Variants in RASSF3 observed in about 807,000 individuals in gnomAD.
RASSF3 encodes the protein ras association domain-containing protein 3.
RASSF3 carries 19 observed loss-of-function variants against 19.9 expected under a neutral mutation model. That is an observed-to-expected ratio of 0.96 (90% CI 0.67 to 1.40). RASSF3 has a LOEUF of 1.40. Among genes scored for constraint, RASSF3 ranks in the 40% most tolerant of loss-of-function variants. The pLI, the probability that RASSF3 is intolerant of heterozygous loss-of-function variation, is 0.00. For missense variants in RASSF3, 306 were observed against 289.8 expected (o/e 1.06, Z -0.41); for synonymous variants, 110 against 104.2 (o/e 1.06, Z -0.34).
At chr12:64,534,871 T>C (rs1868789338) in intron 1 of RASSF3, among the ~76,000 whole-genome samples, 1 of 152,234 alleles carries the variant, frequency 6.6e-6, no homozygotes, top group Admixed American at 6.5e-5. Flanking sequence ...ACTACCATTA[T>C]CTAGAGGCTC....
rs532238459 is a variant in RASSF3, at chr12:64,588,423, G to A, written c.294+46718G>A. Reference sequence around the variant, plus strand: ...TTTTCTGCTGGGCGTGGTGGCTCACGCCTGTAATCCCAGCATTTACAGAGG... The same window carrying A: ...TTTTCTGCTGGGCGTGGTGGCTCACACCTGTAATCCCAGCATTTACAGAGG... On this transcript the variant is annotated intron_variant, in intron 2 of 5. Transcript: ENST00000637125. Among the ~76,000 whole-genome samples the A allele has an allele frequency of 1.1e-3, 166 of 152,112 alleles. 2 individuals carry two copies. Among genetic ancestry groups the A allele is most frequent in the Admixed American group, 4.0e-3 (61 of 15,264 alleles).
intron 1 of RASSF3, among the ~76,000 whole-genome samples, chr12:64,520,593 T>TATATATATATAC (rs1868458561): frequency 7.1e-6 from 1 of 140,124 alleles, no homozygotes; most frequent in African/African-American, 2.7e-5. Context: ...TATATATATA[T>TATATATATATAC]ATGCACATAT....
intron 1 of RASSF3, among the ~76,000 whole-genome samples, chr12:64,628,716 T>A (rs1218314360): frequency 6.6e-6 from 1 of 152,070 alleles, no homozygotes; most frequent in East Asian, 1.9e-4. Context: ...ATGCTGGTCT[T>A]GAACTCGTGA....
intron 1 of RASSF3, among the ~76,000 whole-genome samples, chr12:64,660,226 T>C (rs551276332): frequency 3.1e-4 from 47 of 152,210 alleles, no homozygotes; most frequent in African/African-American, 1.1e-3. Flanking sequence ...CCTGAAATGC[T>C]AATAATTATT....
At chr12:64,629,154 G>C (rs1214148088) in intron 1 of RASSF3, among the ~76,000 whole-genome samples, 14 of 151,260 alleles carry the variant, frequency 9.3e-5, no homozygotes, top group Non-Finnish European at 1.3e-4. Context: ...CCAGGCTGGA[G>C]TACAGTGGCG....
chr12:64,636,116 T>TA (rs1485990237), intron 1 of RASSF3, among the ~76,000 whole-genome samples: 1 of 140,468 alleles, frequency 7.1e-6, no homozygotes, highest in African/African-American at 2.5e-5. Flanking sequence ...TATTATAACT[T>TA]ACGGTTTTTT....
rs145076957 is a variant in RASSF3 at position 64,631,665 on chromosome 12, G to A, written c.111+20922G>A. On this transcript the variant is annotated intron_variant, in intron 1 of 4. Coordinates refer to ENST00000542104, the MANE Select transcript of RASSF3 (RefSeq NM_178169.4). Reference sequence around the variant, plus strand: ...CTGCTCACTGCAACCTCTGTCTCCCGGGTTCAAGATTCTCCTGCCTCAGCC... The same window carrying A: ...CTGCTCACTGCAACCTCTGTCTCCCAGGTTCAAGATTCTCCTGCCTCAGCC... Among the ~76,000 whole-genome samples the A allele has an allele frequency of 6.2e-3, 940 of 152,140 alleles. 11 individuals carry two copies. The highest frequency in any genetic ancestry group is 0.01 in the Middle Eastern group (3 of 294).
intron 2 of RASSF3, 113 bp from the exon 3 acceptor site, chr12:64,688,103 C>T (rs890485796): frequency 6.3e-6 from 5 of 789,548 alleles, no homozygotes; most frequent in Non-Finnish European, 1.1e-5. Flanking sequence ...TGCCACAAAC[C>T]TCAAGAGAAG....
chr12:64,637,921 T>C (rs1261021946), intron 1 of RASSF3, among the ~76,000 whole-genome samples: 3 of 151,436 alleles, frequency 2.0e-5, no homozygotes, highest in East Asian at 3.9e-4. Context: ...AACCTCCGCC[T>C]CCTGGGTTCA....
chr12:64,616,624 A>G (rs1870560620), intron 1 of RASSF3, among the ~76,000 whole-genome samples: 1 of 152,262 alleles, frequency 6.6e-6, no homozygotes, highest in Admixed American at 6.5e-5. Context: ...ACAGTAGGAT[A>G]TATGATAAAT....
intron 1 of RASSF3, among the ~76,000 whole-genome samples, chr12:64,656,648 C>T (rs1198781740): frequency 6.6e-6 from 1 of 152,126 alleles, no homozygotes; most frequent in East Asian, 1.9e-4. Flanking sequence ...TTTACACAAG[C>T]CTGAGTCTAT....
At chr12:64,630,251 C>T (rs1871130890) in intron 1 of RASSF3, among the ~76,000 whole-genome samples, 3 of 151,840 alleles carry the variant, frequency 2.0e-5, no homozygotes. Context: ...TTAGCAAGGC[C>T]ATGGTGGGTC....
Position 64,513,898 on chromosome 12 carries a change from G to C in RASSF3, c.169+6569G>C, listed in dbSNP as rs199934324. ...TTGTTTGTTTGTTTGTTTGTTTTTT[G>C]AGACAGAGTCTCGCTCTGTCACCCA... is the stretch of plus-strand genomic sequence containing the variant. On this transcript the variant is annotated intron_variant, in intron 1 of 5. Coordinates refer to the RASSF3 transcript ENST00000637125. 7.9e-5 allele frequency among the ~76,000 whole-genome samples: 12 copies of C among 152,044 alleles called. No homozygotes were observed. The East Asian group carries it at 2.1e-3, about 27-fold the overall frequency.
intron 2 of RASSF3, among the ~76,000 whole-genome samples, chr12:64,591,705 T>A (rs1359297114): frequency 6.6e-6 from 1 of 152,186 alleles, no homozygotes; most frequent in African/African-American, 2.4e-5. Context: ...TAGGTTCATT[T>A]ATTTTGTTTT....
At chr12:64,530,916 T>C (rs1868694194), upstream of RASSF3, among the ~76,000 whole-genome samples, 1 of 152,348 alleles carries the variant, frequency 6.6e-6, no homozygotes, top group South Asian at 2.1e-4. Flanking sequence ...GTAGGTTACT[T>C]GGTTTCTAAT....
intron 2 of RASSF3, among the ~76,000 whole-genome samples, chr12:64,583,693 G>A (rs1323343048): frequency 6.6e-6 from 1 of 152,076 alleles, no homozygotes; most frequent in African/African-American, 2.4e-5. Flanking sequence ...GGCACACATT[G>A]CAACCTCTCT....
intron 2 of RASSF3, among the ~76,000 whole-genome samples, chr12:64,555,507 T>C (rs1377631711): frequency 2.0e-5 from 3 of 152,182 alleles, no homozygotes; most frequent in African/African-American, 7.2e-5. Flanking sequence ...CCCAGGACTT[T>C]GGGAGGCCGA....
rs781231498 is a variant in RASSF3 at position 64,694,815 on chromosome 12, A to C, written c.620A>C (p.Lys207Thr). The change falls in exon 5 of 5, where the codon AAG becomes ACG. Residue 207 changes from lysine (K) to threonine (T), a missense_variant. Physicochemically the swap from Lys to Thr is moderately conservative, Grantham distance 78. Transcript: ENST00000542104. ...CAGAATTTCTTGCGCATCTTGGACA[A>C]GGAAGAAGATGAACAGCTGCAGAAC... The part of the protein sequence containing the change: ...ELQNFLRILD[K>T]EEDEQLQNLK... The C allele has an allele frequency of 4.3e-6, 7 of 1,614,096 alleles. No homozygotes were observed. Among genetic ancestry groups the C allele is most frequent in the Non-Finnish European group, 8.5e-7 (1 of 1,180,022 alleles).
At chr12:64,597,479 CAG>C (rs1273496412) in intron 2 of RASSF3, among the ~76,000 whole-genome samples, 2 of 149,140 alleles carry the variant, frequency 1.3e-5, no homozygotes, top group African/African-American at 5.0e-5. Flanking sequence ...TATTTTGAGA[CAG>C]AGTCTCGCTC....
Sources: gnomAD v4.1 joint callset for allele counts (sites outside exome capture counted in the v4.1 genomes callset) on GRCh38, gnomAD v4.1.1 for gene constraint, MANE v1.5 for transcripts, NCBI Gene and HGNC (gene_info 2026-07-23, HGNC 2026-07-21) for gene names.